The following DNAH7 variants were observed in gnomAD, a reference collection of about 807,000 sequenced individuals.
The protein encoded by DNAH7 is dynein axonemal heavy chain 7.
Under a neutral mutation model 444.6 loss-of-function variants are expected in DNAH7, and 397 were observed. The observed-to-expected ratio is 0.89, with a 90% CI of 0.82 to 0.97. DNAH7 has a LOEUF of 0.97. DNAH7 is among the 50% of genes least tolerant of loss of function. DNAH7 has a pLI of 0.00. For synonymous variants in DNAH7, 1,636 were observed against 1,624.4 expected (o/e 1.01, Z -0.17); for missense variants, 4,902 against 4,800.8 (o/e 1.02, Z -0.62).
At chr2:195,794,599 A>G in intron 56 of DNAH7, 61 bp from the exon 57 acceptor site, 1 of 1,504,754 alleles carries the variant, frequency 6.6e-7, no homozygotes, top group African/African-American at 1.4e-5. Flanking sequence ...TCTCAAAAGC[A>G]TACATATGAA....
intron 24 of DNAH7, among the ~76,000 whole-genome samples, chr2:195,920,478 G>A (rs893280255): frequency 1.3e-5 from 2 of 152,132 alleles, no homozygotes; most frequent in African/African-American, 4.8e-5. Flanking sequence ...GAAAGGACAT[G>A]CTATTCAACA....
intron 5 of DNAH7, among the ~76,000 whole-genome samples, chr2:196,034,827 C>G (rs982763182): frequency 6.6e-6 from 1 of 152,078 alleles, no homozygotes; most frequent in Non-Finnish European, 1.5e-5. Context: ...GTACCTTACA[C>G]CATAGACAAA....
At chr2:195,961,706 G>T (rs976437151) in intron 17 of DNAH7, among the ~76,000 whole-genome samples, 2 of 152,010 alleles carry the variant, frequency 1.3e-5, no homozygotes, top group Non-Finnish European at 2.9e-5. Context: ...AAGAGTTTTT[G>T]TCTGTCTAGA....
chr2:195,864,794 T>C lies in DNAH7; in HGVS notation c.6861A>G (p.Ala2287=), dbSNP rs776139658. Residue 2287 remains alanine, a synonymous_variant, in exon 41 of 65, where the codon GCA becomes GCG. Coordinates refer to ENST00000312428, the MANE Select transcript of DNAH7 (RefSeq NM_018897.3). ...KREDTNYREI[A]DVDNLRMIVE... ...CTATCATTCGAAGATTATCCACATCTGCGATTTCTCTGTAGTTGGTATCCT... is the reference window on the plus strand; with the variant it reads ...CTATCATTCGAAGATTATCCACATCCGCGATTTCTCTGTAGTTGGTATCCT... The C allele has an allele frequency of 2.8e-5, 45 of 1,614,238 alleles. No individual in the cohort carries two copies. The highest frequency in any genetic ancestry group is 3.8e-5 in the Non-Finnish European group (45 of 1,180,038).
intron 57 of DNAH7, among the ~76,000 whole-genome samples, chr2:195,788,961 A>T (rs1353557248): frequency 1.3e-5 from 2 of 152,228 alleles, no homozygotes; most frequent in Non-Finnish European, 2.9e-5. Context: ...GAAAGAGTCA[A>T]GAAAATACAG....
intron 63 of DNAH7, among the ~76,000 whole-genome samples, chr2:195,753,510 A>G (rs1331693249): frequency 1.3e-5 from 2 of 152,192 alleles, no homozygotes; most frequent in Non-Finnish European, 2.9e-5. Context: ...TTCCCTGTTG[A>G]TATCTCCAGT....
At chr2:195,896,282 C>T (rs1702311171) in intron 29 of DNAH7, among the ~76,000 whole-genome samples, 1 of 151,292 alleles carries the variant, frequency 6.6e-6, no homozygotes, top group East Asian at 1.9e-4. Flanking sequence ...TGAGTAACTT[C>T]TTTACCTGTG....
At chr2:195,758,748 T>C (rs1243815721) in intron 61 of DNAH7, among the ~76,000 whole-genome samples, 3 of 152,136 alleles carry the variant, frequency 2.0e-5, no homozygotes, top group African/African-American at 7.2e-5. Flanking sequence ...GAGAGCACAA[T>C]GATTGAGACT....
intron 54 of DNAH7, among the ~76,000 whole-genome samples, 153 bp from the exon 55 acceptor site, chr2:195,799,625 T>C (rs985452415): frequency 2.0e-5 from 3 of 152,312 alleles, no homozygotes; most frequent in Non-Finnish European, 2.9e-5. Flanking sequence ...TCAATGTTTA[T>C]ATAAATGCCT....
intron 24 of DNAH7, among the ~76,000 whole-genome samples, chr2:195,917,087 G>C (rs1224409734): frequency 1.5e-5 from 2 of 131,712 alleles, no homozygotes; most frequent in African/African-American, 3.0e-5. Context: ...GGGCAACAGA[G>C]TGAGACTCCA....
chr2:195,849,339 G>C (rs753213611), intron 46 of DNAH7, among the ~76,000 whole-genome samples: 2 of 152,162 alleles, frequency 1.3e-5, no homozygotes, highest in African/African-American at 2.4e-5. Flanking sequence ...AAGCTCAGTT[G>C]ACTAGCAACC....
At chr2:195,989,278 T>C (rs913757798) in intron 12 of DNAH7, among the ~76,000 whole-genome samples, 2 of 152,204 alleles carry the variant, frequency 1.3e-5, no homozygotes, top group Non-Finnish European at 2.9e-5. Flanking sequence ...TTTTCTATAT[T>C]GGCTGCACTC....
At chr2:195,884,898 T>C (rs1701622169) in intron 34 of DNAH7, 89 bp from the exon 35 acceptor site, 3 of 1,078,714 alleles carry the variant, frequency 2.8e-6, no homozygotes, top group South Asian at 3.4e-5. Context: ...GCCAGATTAG[T>C]ATCTCTGAAA....
intron 10 of DNAH7, among the ~76,000 whole-genome samples, chr2:196,007,496 C>T (rs114044395): frequency 4.1e-4 from 63 of 152,226 alleles, no homozygotes; most frequent in African/African-American, 1.5e-3. Flanking sequence ...GTTTACCACA[C>T]AGGAAAACAG....
At chr2:195,776,889 T>C (rs1191994867) in intron 59 of DNAH7, among the ~76,000 whole-genome samples, 1 of 152,204 alleles carries the variant, frequency 6.6e-6, no homozygotes, top group Non-Finnish European at 1.5e-5. Flanking sequence ...TGGATGGCTT[T>C]ATGATTTGGG....
At chr2:195,950,862 A>AAAC (rs1690189678) in intron 19 of DNAH7, among the ~76,000 whole-genome samples, 1 of 143,834 alleles carries the variant, frequency 7.0e-6, no homozygotes, top group Non-Finnish European at 1.5e-5. Context: ...AAAAAAAAAA[A>AAAC]AAAAAAAAAA....
chr2:195,929,290 T>A (rs527809829), intron 21 of DNAH7, among the ~76,000 whole-genome samples: 10 of 152,138 alleles, frequency 6.6e-5, no homozygotes, highest in Non-Finnish European at 1.2e-4. Context: ...ATTAAAATGG[T>A]CATACTGCCC....
intron 30 of DNAH7, 128 bp downstream of exon 30, chr2:195,894,848 T>C (rs1286532829): frequency 6.2e-6 from 6 of 972,488 alleles, no homozygotes; most frequent in Non-Finnish European, 8.4e-6. Flanking sequence ...TAAAACTTTA[T>C]TTTCTCTTTG....
intron 15 of DNAH7, among the ~76,000 whole-genome samples, chr2:195,983,033 T>A (rs1401409495): frequency 6.6e-6 from 1 of 152,186 alleles, no homozygotes. Context: ...AGATACCCCA[T>A]TTACCCTGAT....
Sources: allele counts gnomAD v4.1 joint callset (sites outside exome capture counted in the v4.1 genomes callset), GRCh38; gene constraint gnomAD v4.1.1; transcripts MANE v1.5; gene names NCBI Gene and HGNC (gene_info 2026-07-23, HGNC 2026-07-21).